The following PC variants were observed in gnomAD, a reference collection of about 807,000 sequenced individuals.
PC encodes the protein pyruvate carboxylase.
A neutral mutation model predicts 107.8 loss-of-function variants in PC; 46 were observed. The observed-to-expected ratio is 0.43, with a 90% CI of 0.34 to 0.55. The LOEUF (loss-of-function observed/expected upper bound fraction) is 0.55. Ranked by LOEUF, PC falls within the 20% of genes least tolerant of loss-of-function variation. PC has a pLI of 0.04. For synonymous variants in PC, 662 were observed against 684.7 expected, an observed-to-expected ratio of 0.97 and a Z score of 0.52; for missense variants, 1,241 against 1,643.1, an observed-to-expected ratio of 0.76 and a Z score of 4.23.
intron 3 of PC, among the ~76,000 whole-genome samples, chr11:66,932,337 G>A (rs966234109): frequency 1.3e-5 from 2 of 152,058 alleles, no homozygotes; most frequent in African/African-American, 4.8e-5. Flanking sequence ...TCATACCTGG[G>A]CTTCCTTGGC....
In PC at chr11:66,858,401, T is replaced by C. The variant is rs779730278; in HGVS notation, c.1369-5018A>G. The C allele has an allele frequency of 6.4e-7, 1 of 1,560,238 alleles. No individual in the cohort carries two copies. Among genetic ancestry groups the C allele is most frequent in the South Asian group, 1.2e-5 (1 of 86,552 alleles). ...ACCCGCTTTTCTCTCGTGGGCGTGATGCAGAGGCCTCTCCCGCCCCCCTGG... is the reference window on the plus strand; with the variant it reads ...ACCCGCTTTTCTCTCGTGGGCGTGACGCAGAGGCCTCTCCCGCCCCCCTGG... On this transcript the variant is annotated intron_variant, in intron 12 of 22. Transcript: ENST00000393960. The surrounding 1 kb of genome is among the most constrained non-coding windows in gnomAD (Gnocchi z 5.9).
chr11:66,900,281 C>T (rs780334527), intron 3 of PC, among the ~76,000 whole-genome samples: 53 of 148,026 alleles, frequency 3.6e-4, no homozygotes, highest in Non-Finnish European at 4.3e-4. Context: ...CCCGGGTTCA[C>T]GTCATTCTCC....
chr11:66,932,293 G>A (rs1336793659), intron 3 of PC, among the ~76,000 whole-genome samples: 1 of 152,048 alleles, frequency 6.6e-6, no homozygotes, highest in African/African-American at 2.4e-5. Context: ...AGACTATTAG[G>A]TTCAACAGTA....
intron 3 of PC, among the ~76,000 whole-genome samples, chr11:66,890,501 C>CTT (rs542659083): frequency 1.3e-4 from 17 of 128,906 alleles, no homozygotes; most frequent in Admixed American, 2.4e-4. Context: ...GCAGTTTCAT[C>CTT]TTTTTTTTTT....
chr11:66,955,538 A>T (rs1172572791), intron 1 of PC, among the ~76,000 whole-genome samples: 1 of 152,198 alleles, frequency 6.6e-6, no homozygotes, highest in Non-Finnish European at 1.5e-5. Flanking sequence ...ACATGAGGGT[A>T]CATTGGGGTA....
chr11:66,875,425 G>A (rs761459162), intron 3 of PC, among the ~76,000 whole-genome samples: 5 of 152,114 alleles, frequency 3.3e-5, no homozygotes, highest in African/African-American at 1.2e-4. Context: ...CACAGAGGGG[G>A]AAGAGCAGGG....
intron 3 of PC, among the ~76,000 whole-genome samples, chr11:66,906,664 C>T (rs1015634663): frequency 5.3e-5 from 8 of 152,078 alleles, no homozygotes; most frequent in African/African-American, 1.9e-4. Context: ...CACACACATG[C>T]ACACTGCATT....
intron 3 of PC, among the ~76,000 whole-genome samples, chr11:66,881,150 G>A (rs1947175119): frequency 6.6e-6 from 1 of 152,208 alleles, no homozygotes; most frequent in African/African-American, 2.4e-5. Context: ...GAGTGAGTGA[G>A]AGAAAAGCAA....
rs538889839 is a variant in PC at position 66,942,484 on chromosome 11, C to T, written c.-1+9946G>A. 1.1e-4 allele frequency among the ~76,000 whole-genome samples: 16 copies of T among 151,942 alleles called. No individual in the cohort carries two copies. The South Asian group carries it at 3.3e-3, about 32-fold the overall frequency. ...TATGCTATGTGAAATATGCCAGTCACAAAAAGACAAATACCGTATGATTCC... is the reference window on the plus strand; with the variant it reads ...TATGCTATGTGAAATATGCCAGTCATAAAAAGACAAATACCGTATGATTCC... On this transcript the variant is annotated intron_variant, in intron 3 of 22. Transcript: ENST00000393960.
At chr11:66,922,349 C>T (rs117996675) in intron 3 of PC, among the ~76,000 whole-genome samples, 6,931 of 151,680 alleles carry the variant, frequency 0.046, 196 homozygotes, top group Middle Eastern at 0.1. Flanking sequence ...CTGGGGCGGG[C>T]GAATCACTTG....
intron 3 of PC, among the ~76,000 whole-genome samples, chr11:66,873,798 G>A (rs969380853): frequency 6.6e-6 from 1 of 151,034 alleles, no homozygotes; most frequent in Admixed American, 6.6e-5. Flanking sequence ...ACGGAGTCTC[G>A]CTCTTGTTGC....
rs1334696949 is a variant in PC, at chr11:66,857,470, G to C, written c.1369-4087C>G. The C allele has an allele frequency of 4.8e-6, 2 of 420,808 alleles. No individual in the cohort carries two copies. The highest frequency in any genetic ancestry group is 2.0e-5 in the African/African-American group (1 of 48,874). 26.1% of individuals were successfully genotyped at this position (420,808 alleles called of 1,614,324 possible). A position where few individuals can be genotyped will look rare whatever the true frequency, so the allele number is the denominator to read the frequency against. ...AAGTTCCGGGACCCTCCCTGCTCTC[G>C]GTCCTCCTCCGCTTCCTGCCTCATG... On this transcript the variant is annotated intron_variant, in intron 12 of 22. Coordinates refer to ENST00000393960, the MANE Select transcript of PC (RefSeq NM_001040716.2). The surrounding 1 kb of genome is among the most constrained non-coding windows in gnomAD (Gnocchi z 7.1).
intron 12 of PC, chr11:66,859,202 C>G: frequency 7.5e-7 from 1 of 1,330,620 alleles, no homozygotes; most frequent in Admixed American, 2.8e-5. Flanking sequence ...CTGACACCCC[C>G]TCCCCGACCA....
chr11:66,928,330 G>A (rs1948766632), intron 3 of PC, among the ~76,000 whole-genome samples: 1 of 149,028 alleles, frequency 6.7e-6, no homozygotes, highest in African/African-American at 2.5e-5. Flanking sequence ...GGATCGCAGT[G>A]AGCTGAGATT....
chr11:66,946,689 T>C (rs1049255541), intron 3 of PC, among the ~76,000 whole-genome samples: 1 of 151,974 alleles, frequency 6.6e-6, no homozygotes, highest in Admixed American at 6.6e-5. Context: ...CTCAAGAGGC[T>C]GAGATGGGAG....
chr11:66,929,655 C>T (rs887602158), intron 3 of PC, among the ~76,000 whole-genome samples: 1 of 152,264 alleles, frequency 6.6e-6, no homozygotes, highest in East Asian at 1.9e-4. Context: ...GTGTGAGCCA[C>T]GGTGCCTGGC....
intron 3 of PC, among the ~76,000 whole-genome samples, chr11:66,918,390 CTTT>C (rs769659124): frequency 7.1e-6 from 1 of 141,258 alleles, no homozygotes; most frequent in Non-Finnish European, 1.6e-5. Flanking sequence ...ACAAAATCTA[CTTT>C]TTTTTTTTTT....
chr11:66,920,181 G>C (rs1948560760), intron 3 of PC, among the ~76,000 whole-genome samples: 1 of 152,162 alleles, frequency 6.6e-6, no homozygotes, highest in Admixed American at 6.5e-5. Flanking sequence ...AAAGACGAGA[G>C]AGATGGTGTT....
intron 3 of PC, among the ~76,000 whole-genome samples, chr11:66,929,198 T>A (rs973388294): frequency 1.3e-5 from 2 of 152,122 alleles, no homozygotes; most frequent in African/African-American, 4.8e-5. Context: ...TGAGTCAGAT[T>A]TCCAGGCCCA....
Sources: allele counts gnomAD v4.1 joint callset (sites outside exome capture counted in the v4.1 genomes callset), GRCh38; gene constraint gnomAD v4.1.1; non-coding constraint Gnocchi (gnomAD v3.1); transcripts MANE v1.5; gene names NCBI Gene and HGNC (gene_info 2026-07-23, HGNC 2026-07-21).